Variants in EMCN observed in about 807,000 individuals in gnomAD.
EMCN encodes MUC-14.
A neutral mutation model predicts 38.4 loss-of-function variants in EMCN; 37 were observed. The observed-to-expected ratio is 0.96, with a 90% confidence interval of 0.74 to 1.27. The LOEUF is 1.27. EMCN is among the 50% of genes most tolerant of loss of function. The pLI, the probability that EMCN is intolerant of heterozygous loss-of-function variation, is 0.00. For missense variants in EMCN, 318 were observed against 302.8 expected, an observed-to-expected ratio of 1.05 and a Z score of -0.37; for synonymous variants, 95 against 100.8, an observed-to-expected ratio of 0.94 and a Z score of 0.35.
intron 11 of EMCN, among the ~76,000 whole-genome samples, chr4:100,402,805 CT>C (rs1726291597): frequency 2.6e-5 from 4 of 152,126 alleles, no homozygotes; most frequent in South Asian, 4.2e-4. Context: ...TTCTATATAC[CT>C]TTTCTTTCTT....
At chr4:100,493,961 C>T (rs758355375) in intron 1 of EMCN, among the ~76,000 whole-genome samples, 61 of 152,264 alleles carry the variant, frequency 4.0e-4, no homozygotes, top group Middle Eastern at 3.4e-3. Flanking sequence ...CAAATACCTA[C>T]AGAGTAGAGG....
intron 4 of EMCN, among the ~76,000 whole-genome samples, chr4:100,463,261 C>T (rs1728230114): frequency 6.6e-6 from 1 of 152,078 alleles, no homozygotes; most frequent in South Asian, 2.1e-4. Flanking sequence ...AATATACTCT[C>T]CATTCTTTTC....
intron 1 of EMCN, among the ~76,000 whole-genome samples, chr4:100,488,273 G>T (rs1432208241): frequency 6.6e-6 from 1 of 152,180 alleles, no homozygotes; most frequent in African/African-American, 2.4e-5. Context: ...GGGGAAGCTT[G>T]TATGTCAGGA....
chr4:100,412,448 A>G (rs1204707290), intron 10 of EMCN, among the ~76,000 whole-genome samples: 1 of 152,194 alleles, frequency 6.6e-6, no homozygotes, highest in Non-Finnish European at 1.5e-5. Flanking sequence ...TTCTTCTTCC[A>G]TAGAGTCATA....
At chr4:100,445,637 C>G (rs1221031823) in intron 5 of EMCN, among the ~76,000 whole-genome samples, 1 of 152,036 alleles carries the variant, frequency 6.6e-6, no homozygotes, top group African/African-American at 2.4e-5. Flanking sequence ...TGCCTTTAAT[C>G]GCATGGATGA....
chr4:100,456,340 T>A (rs981303578), intron 4 of EMCN, among the ~76,000 whole-genome samples: 3 of 152,186 alleles, frequency 2.0e-5, no homozygotes, highest in African/African-American at 4.8e-5. Context: ...CTACTCATAT[T>A]TTTATTGTTT....
chr4:100,434,655 C>T (rs1036418353), intron 5 of EMCN, among the ~76,000 whole-genome samples: 1 of 152,106 alleles, frequency 6.6e-6, no homozygotes, highest in African/African-American at 2.4e-5. Context: ...AATCCAGCAG[C>T]ACATCAAAAA....
intron 1 of EMCN, among the ~76,000 whole-genome samples, chr4:100,493,445 G>A (rs901593047): frequency 1.3e-5 from 2 of 152,172 alleles, no homozygotes; most frequent in East Asian, 3.8e-4. Context: ...GGTTCTGTGG[G>A]CTCCACATTA....
chr4:100,419,461 A>G (rs1053023888), intron 8 of EMCN, among the ~76,000 whole-genome samples: 3 of 152,146 alleles, frequency 2.0e-5, no homozygotes, highest in Non-Finnish European at 2.9e-5. Context: ...ATGTCTTCAG[A>G]ATAGCTATCC....
At chr4:100,502,978 C>T (rs956024605) in intron 1 of EMCN, among the ~76,000 whole-genome samples, 1 of 151,900 alleles carries the variant, frequency 6.6e-6, no homozygotes, top group South Asian at 2.1e-4. Context: ...TTTAAAAAAT[C>T]TTTTTTCATA....
chr4:100,470,759 T>C (rs1359642248), intron 3 of EMCN, among the ~76,000 whole-genome samples: 1 of 151,994 alleles, frequency 6.6e-6, no homozygotes, highest in Non-Finnish European at 1.5e-5. Context: ...TGGAGGACAT[T>C]ATCCTTAACA....
At chr4:100,419,017 G>A (rs1218123551) in intron 8 of EMCN, among the ~76,000 whole-genome samples, 3 of 152,112 alleles carry the variant, frequency 2.0e-5, no homozygotes, top group East Asian at 1.9e-4. Context: ...CACAGCGTAC[G>A]AGGTTTCCCT....
chr4:100,465,221 G>A (rs1728281574), intron 4 of EMCN, among the ~76,000 whole-genome samples: 1 of 151,964 alleles, frequency 6.6e-6, no homozygotes, highest in Admixed American at 6.6e-5. Context: ...AATCTTCCTT[G>A]TGACCCATTC....
chr4:100,479,271 G>GTTTTTC (rs148242915), intron 2 of EMCN, among the ~76,000 whole-genome samples: 28,083 of 151,786 alleles, frequency 0.19, 3,993 homozygotes, highest in East Asian at 0.72. Context: ...CCACAAATCT[G>GTTTTTC]TTTTCCATTG....
At chr4:100,480,695 T>A (rs1178191861) in intron 1 of EMCN, among the ~76,000 whole-genome samples, 1 of 151,920 alleles carries the variant, frequency 6.6e-6, no homozygotes. Context: ...CCACATTTTT[T>A]AATTGTTTAT....
At chr4:100,487,173 A>C (rs955450606) in intron 1 of EMCN, 4 of 281,942 alleles carry the variant, frequency 1.4e-5, no homozygotes, top group African/African-American at 9.1e-5. Flanking sequence ...TGAATCTAGA[A>C]AGGAACTATG....
At chr4:100,412,966 C>T (rs891271213) in intron 10 of EMCN, among the ~76,000 whole-genome samples, 9 of 152,138 alleles carry the variant, frequency 5.9e-5, no homozygotes, top group Admixed American at 5.9e-4. Context: ...CTCATTGAGG[C>T]TTCTAGAAAA....
At chr4:100,403,381 C>G (rs1310890532) in intron 11 of EMCN, among the ~76,000 whole-genome samples, 1 of 152,024 alleles carries the variant, frequency 6.6e-6, no homozygotes, top group Non-Finnish European at 1.5e-5. Context: ...ATCTGGCTCT[C>G]TTATATGGCT....
At chr4:100,474,265 G>A (rs1728574171) in intron 3 of EMCN, among the ~76,000 whole-genome samples, 1 of 152,102 alleles carries the variant, frequency 6.6e-6, no homozygotes. Context: ...CATGAAATAT[G>A]TTCAACATCA....
Sources: allele counts gnomAD v4.1 joint callset (sites outside exome capture counted in the v4.1 genomes callset), GRCh38; gene constraint gnomAD v4.1.1; transcripts MANE v1.5; gene names NCBI Gene and HGNC (gene_info 2026-07-23, HGNC 2026-07-21).